The following CSMD1 variants were observed in gnomAD, a reference collection of about 807,000 sequenced individuals.
The protein encoded by CSMD1 is CUB and sushi domain-containing protein 1.
Under a neutral mutation model 417.5 loss-of-function variants are expected in CSMD1, and 213 were observed. The observed-to-expected ratio is 0.51, with a 90% confidence interval of 0.46 to 0.57. CSMD1 has a LOEUF of 0.57. CSMD1 is among the 20% of genes least tolerant of loss of function. The pLI is 0.00. For missense variants in CSMD1, 6,923 were observed against 4,529.7 expected, an observed-to-expected ratio of 1.53 and a Z score of -15.17; for synonymous variants, 2,862 against 1,736.8, an observed-to-expected ratio of 1.65 and a Z score of -16.11.
chr8:3,450,221 C>G (rs1404130836), intron 12 of CSMD1, among the ~76,000 whole-genome samples: 1 of 152,178 alleles, frequency 6.6e-6, no homozygotes, highest in African/African-American at 2.4e-5. Context: ...TCTCCGTTGA[C>G]CAACTGACTT....
chr8:4,738,903 T>TTGTGTGTGTGTGTGTGTGTGTGTGTGTG, intron 1 of CSMD1, among the ~76,000 whole-genome samples: 1 of 147,490 alleles, frequency 6.8e-6, no homozygotes, highest in Non-Finnish European at 1.5e-5. Context: ...TTCTGTGTGT[T>TTGTGTGTGTGTGTGTGTGTGTGTGTGTG]TGTGTGTGTG....
chr8:3,167,059 G>C (rs1019602924), intron 37 of CSMD1, among the ~76,000 whole-genome samples: 3 of 152,160 alleles, frequency 2.0e-5, no homozygotes, highest in Non-Finnish European at 4.4e-5. Flanking sequence ...GGCCAAGGCA[G>C]GTGGATCACA....
At chr8:3,884,255 TAACCTGTCTTC>T (rs1178078443) in intron 5 of CSMD1, among the ~76,000 whole-genome samples, 1 of 152,212 alleles carries the variant, frequency 6.6e-6, no homozygotes, top group Non-Finnish European at 1.5e-5. Flanking sequence ...ATGGCAAGTC[TAACCTGTCTTC>T]AACTTAACAT....
At chr8:3,240,629 G>A (rs910079956) in intron 26 of CSMD1, among the ~76,000 whole-genome samples, 4 of 152,058 alleles carry the variant, frequency 2.6e-5, no homozygotes, top group Non-Finnish European at 4.4e-5. Context: ...TGGGTGTCAG[G>A]GTCAGTCCAA....
chr8:4,475,438 G>A (rs1484678493), intron 2 of CSMD1, among the ~76,000 whole-genome samples: 1 of 151,914 alleles, frequency 6.6e-6, no homozygotes, highest in Non-Finnish European at 1.5e-5. Flanking sequence ...ATTCACCTGT[G>A]GCATCATATG....
At chr8:4,366,198 C>T (rs1482788792) in intron 3 of CSMD1, among the ~76,000 whole-genome samples, 3 of 152,020 alleles carry the variant, frequency 2.0e-5, no homozygotes, top group Non-Finnish European at 4.4e-5. Flanking sequence ...CTCTGCATTG[C>T]TTCACTTAGG....
chr8:4,400,711 T>G (rs897365506), intron 3 of CSMD1, among the ~76,000 whole-genome samples: 1 of 151,718 alleles, frequency 6.6e-6, no homozygotes, highest in Admixed American at 6.6e-5. Flanking sequence ...GATTTTTTAA[T>G]GGACACTTTG....
chr8:4,296,397 A>T (rs1321953246), intron 3 of CSMD1, among the ~76,000 whole-genome samples: 1 of 152,224 alleles, frequency 6.6e-6, no homozygotes, highest in African/African-American at 2.4e-5. Context: ...CATAATAATG[A>T]TTTAAAATAA....
chr8:3,872,603 A>C (rs1805549817), intron 5 of CSMD1, among the ~76,000 whole-genome samples: 1 of 152,114 alleles, frequency 6.6e-6, no homozygotes, highest in African/African-American at 2.4e-5. Context: ...AAAGGCATTC[A>C]TTTCATGTCA....
intron 3 of CSMD1, among the ~76,000 whole-genome samples, chr8:4,404,685 G>T (rs960806622): frequency 5.3e-5 from 8 of 151,670 alleles, no homozygotes; most frequent in Non-Finnish European, 1.5e-5. Flanking sequence ...TTAAACTTAT[G>T]TTTATAATAT....
chr8:3,947,136 C>T (rs946397870), intron 5 of CSMD1, among the ~76,000 whole-genome samples: 2 of 152,120 alleles, frequency 1.3e-5, no homozygotes, highest in African/African-American at 4.8e-5. Context: ...AGTCTTTCAT[C>T]ATTAAGTAAG....
intron 10 of CSMD1, among the ~76,000 whole-genome samples, chr8:3,506,311 T>C (rs896671977): frequency 6.6e-6 from 1 of 152,172 alleles, no homozygotes; most frequent in Non-Finnish European, 1.5e-5. Flanking sequence ...TACTACCCGC[T>C]ATTTCTAGAC....
intron 7 of CSMD1, among the ~76,000 whole-genome samples, chr8:3,645,187 G>C (rs1303777607): frequency 1.3e-5 from 2 of 152,040 alleles, no homozygotes; most frequent in East Asian, 1.9e-4. Flanking sequence ...ACTTCACTGA[G>C]TCCTGGGCCA....
intron 1 of CSMD1, among the ~76,000 whole-genome samples, chr8:4,647,709 C>G (rs1420426351): frequency 1.3e-5 from 2 of 152,154 alleles, no homozygotes; most frequent in South Asian, 2.1e-4. Flanking sequence ...GATGAAGCTT[C>G]CAGCTTCATC....
intron 3 of CSMD1, among the ~76,000 whole-genome samples, chr8:4,043,329 A>T (rs763004186): frequency 2.0e-5 from 3 of 152,174 alleles, no homozygotes; most frequent in Non-Finnish European, 4.4e-5. Context: ...AGGAAAAAAG[A>T]AAATGAATGA....
At chr8:4,521,937 G>T (rs1163255185) in intron 2 of CSMD1, among the ~76,000 whole-genome samples, 1 of 152,130 alleles carries the variant, frequency 6.6e-6, no homozygotes, top group East Asian at 1.9e-4. Flanking sequence ...CATTTTAAGG[G>T]ATCATTATGA....
chr8:3,854,620 T>C (rs534534798), intron 5 of CSMD1, among the ~76,000 whole-genome samples: 12 of 152,048 alleles, frequency 7.9e-5, no homozygotes, highest in African/African-American at 1.7e-4. Flanking sequence ...ATCTGGTAGC[T>C]CCATTGTCAG....
In CSMD1 at chr8:3,091,537, C is replaced by T. The variant is rs1360623908; in HGVS notation, c.7264G>A (p.Gly2422Arg). Reference protein sequence around the residue: ...WSTDHATSKKGFKIRYAAPYC... With the variant: ...WSTDHATSKKRFKIRYAAPYC... ...TTACCTGCATAGCGAATCTTGAATC[C>T]TTTCTTACTGGTGGCATGGTCAGTG... The change falls in exon 48 of 70, where the codon GGA becomes AGA. Residue 2422 changes from glycine to arginine, a missense_variant. Gly to Arg is a moderately radical substitution (Grantham distance 125, BLOSUM62 -2). Coordinates refer to ENST00000635120, the MANE Select transcript of CSMD1 (RefSeq NM_033225.6). 6.2e-7 allele frequency: 1 copy of T among 1,605,186 alleles called. No individual in the cohort carries two copies. Among genetic ancestry groups the T allele is most frequent in the Non-Finnish European group, 8.5e-7 (1 of 1,177,922 alleles).
chr8:3,098,787 T>C (rs143000966), intron 46 of CSMD1, among the ~76,000 whole-genome samples: 20 of 152,314 alleles, frequency 1.3e-4, no homozygotes, highest in Non-Finnish European at 1.8e-4. Flanking sequence ...CAGACCCGCC[T>C]TGACTTTGCA....
Sources: gnomAD v4.1 joint callset for allele counts (sites outside exome capture counted in the v4.1 genomes callset) on GRCh38, gnomAD v4.1.1 for gene constraint, MANE v1.5 for transcripts, NCBI Gene and HGNC (gene_info 2026-07-23, HGNC 2026-07-21) for gene names.